The following ATAT1 variants were observed in gnomAD, a reference collection of about 807,000 sequenced individuals.
ATAT1 encodes alpha tubulin acetyltransferase 1, also known as alpha-tubulin N-acetyltransferase 1.
In ATAT1, 42 loss-of-function variants were observed where a neutral mutation model predicts 57.2. The ratio of observed to expected loss-of-function variants is 0.73; its 90% CI spans 0.57 to 0.95. The LOEUF (loss-of-function observed/expected upper bound fraction) is 0.95. Among genes scored for constraint, ATAT1 ranks in the 40% least tolerant of loss-of-function variants. The probability of loss-of-function intolerance (pLI) is 0.00; values close to 1 mark genes in which losing one functional copy is unlikely to be tolerated. For missense variants in ATAT1, 454 were observed against 523.7 expected, an observed-to-expected ratio of 0.87 and a Z score of 1.30; for synonymous variants, 168 against 187.1, an observed-to-expected ratio of 0.90 and a Z score of 0.83.
chr6:30,628,465 A>G lies in ATAT1; in HGVS notation c.501+35A>G, dbSNP rs1762138039. On this transcript the variant is annotated intron_variant, in intron 6 of 12. Transcript: ENST00000330083. ...TTCAGAGAATAGATCCCCACTGAGC[A>G]TTCCCATTGAATTTATTTGTTATTT... 3.3e-5 allele frequency: 50 copies of G among 1,507,616 alleles called. No homozygotes were observed. In the East Asian group the frequency reaches 1.1e-3, roughly 34 times the overall value. The allele number at this position is 1,507,616 out of a possible 1,614,324, so 93.4% of individuals were successfully genotyped here. A position where few individuals can be genotyped will look rare whatever the true frequency, so the allele number is the denominator to read the frequency against.
rs57839584 is a variant in ATAT1 at position 30,645,757 on chromosome 6, A to G, written c.933-138A>G. ...CCTTTTCTGGGGCACAGCTTTGATT[A>G]AAACCTGTTAGGAATGATAATTACC... On this transcript the variant is annotated intron_variant, in intron 10 of 12. Transcript: ENST00000330083. 7.9e-3 allele frequency: 4,955 copies of G among 626,254 alleles called. 67 individuals are homozygous for G. Among genetic ancestry groups the G allele is most frequent in the African/African-American group, 0.042 (2,212 of 53,232 alleles). 38.8% of individuals were successfully genotyped at this position (626,254 alleles called of 1,614,324 possible). A position where few individuals can be genotyped will look rare whatever the true frequency, so the allele number is the denominator to read the frequency against.
chr6:30,643,613 C>A, intron 10 of ATAT1: 1 of 1,550,526 alleles, frequency 6.4e-7, no homozygotes, highest in Non-Finnish European at 8.7e-7. Context: ...GGGAACCCCT[C>A]CCTGAGAACC....
chr6:30,645,566 A>G (rs1349601715), intron 10 of ATAT1, among the ~76,000 whole-genome samples: 2 of 152,184 alleles, frequency 1.3e-5, no homozygotes, highest in South Asian at 2.1e-4. Context: ...ACCAAACACC[A>G]GAGTACCCGA....
chr6:30,642,658 AAAAAAG>A, intron 9 of ATAT1, 104 bp from the exon 10 acceptor site: 3 of 799,774 alleles, frequency 3.8e-6, no homozygotes, highest in African/African-American at 3.5e-5. Context: ...AGAAAAAAAA[AAAAAAG>A]AAAGACTCAG....
At chr6:30,631,265 C>T (rs1273277233) in intron 6 of ATAT1, among the ~76,000 whole-genome samples, 6 of 151,978 alleles carry the variant, frequency 3.9e-5, no homozygotes, top group African/African-American at 9.7e-5. Context: ...GCGCGGATCA[C>T]GAGGTCAGGA....
intron 6 of ATAT1, among the ~76,000 whole-genome samples, chr6:30,630,469 C>G (rs1028798375): frequency 7.9e-5 from 12 of 152,060 alleles, no homozygotes; most frequent in African/African-American, 2.9e-4. Flanking sequence ...AACCCCGTCT[C>G]TATTAAAAAT....
chr6:30,646,151 C>A, intron 12 of ATAT1, 42 bp downstream of exon 12: 1 of 1,592,860 alleles, frequency 6.3e-7, no homozygotes, highest in Non-Finnish European at 8.5e-7. Context: ...CCACCACCAT[C>A]TGACTCCCTT....
chr6:30,632,195 G>A (rs1763036088), intron 6 of ATAT1, among the ~76,000 whole-genome samples: 1 of 151,508 alleles, frequency 6.6e-6, no homozygotes, highest in African/African-American at 2.4e-5. Context: ...AGAACCGGGA[G>A]GCGGAGGTTG....
intron 1 of ATAT1, 168 bp from the exon 2 acceptor site, chr6:30,627,292 G>T: frequency 6.2e-7 from 1 of 1,613,770 alleles, no homozygotes; most frequent in Non-Finnish European, 8.5e-7. Context: ...AGAAGTTTGG[G>T]TTTCAGAAGG....
At chr6:30,638,387 G>GGGTCAATGGATTCTCCTGC (rs1427763247) in intron 6 of ATAT1, among the ~76,000 whole-genome samples, 1 of 151,806 alleles carries the variant, frequency 6.6e-6, no homozygotes, top group Non-Finnish European at 1.5e-5. Context: ...CTCCCTCCTG[G>GGGTCAATGGATTCTCCTGC]GGTCAATGGA....
Position 30,646,701 on chromosome 6 carries a change from C to T in ATAT1, c.*58C>T. 6.8e-7 allele frequency: 1 copy of T among 1,470,260 alleles called. No homozygotes were observed. The highest frequency in any genetic ancestry group is 2.4e-5 in the Admixed American group (1 of 42,082). 91.1% of individuals were successfully genotyped at this position (1,470,260 alleles called of 1,614,324 possible). ...TTTCTCCCTCACTACAGGAAAGAGC[C>T]AAAGCCCAACCCTCATAATAGATGG... On this transcript the variant is annotated 3_prime_UTR_variant, in exon 13 of 13. Transcript: ENST00000330083.
In ATAT1 at chr6:30,628,141, T is replaced by TG. The variant is rs1423170054; in HGVS notation, c.396dup (p.Gln133AlafsTer13). On this transcript the variant is annotated frameshift_variant, in exon 5 of 13. Transcript: ENST00000330083. LOFTEE classifies it high-confidence loss of function. ...GGGCGAGAACTCTTCCAGTATATGT[T>TG]GCAGGTATCACTGACCTCTTCACTG... is the stretch of plus-strand genomic sequence containing the variant. 6.2e-7 allele frequency: 1 copy of TG among 1,612,310 alleles called. No homozygotes were observed. The highest frequency in any genetic ancestry group is 8.5e-7 in the Non-Finnish European group (1 of 1,179,430).
chr6:30,639,667 T>C (rs528205688), intron 6 of ATAT1, among the ~76,000 whole-genome samples: 35 of 151,514 alleles, frequency 2.3e-4, no homozygotes, highest in Non-Finnish European at 2.7e-4. Flanking sequence ...TTAGTAGAGA[T>C]GGGGTTTCAC....
chr6:30,644,116 C>T (rs1252282782), intron 10 of ATAT1: 2 of 986,266 alleles, frequency 2.0e-6, no homozygotes, highest in Non-Finnish European at 2.4e-6. Context: ...TACCAGCTTC[C>T]CAAAGGGATC....
At chr6:30,637,761 A>T (rs888272009) in intron 6 of ATAT1, among the ~76,000 whole-genome samples, 4 of 151,344 alleles carry the variant, frequency 2.6e-5, no homozygotes, top group Non-Finnish European at 4.4e-5. Context: ...GCGGATCACG[A>T]GGTCAAGAGA....
chr6:30,642,833 G>GGGGGGGGGGGGCGC lies in ATAT1; in HGVS notation c.754_755insGGGGGGGGGGGCGC (p.Ala252GlyfsTer72). The stretch of plus-strand genomic sequence containing the variant: ...GGCCCCTCGCCGCGCCACACCTCCA[G>GGGGGGGGGGGGCGC]CCCACCCACCCCCCCGCTCCAGCAG... On this transcript the variant is annotated frameshift_variant, in exon 10 of 13. Transcript: ENST00000330083. LOFTEE classifies it high-confidence loss of function. The GGGGGGGGGGGGCGC allele has an allele frequency of 6.5e-7, 1 of 1,537,860 alleles. No individual in the cohort carries two copies. The highest frequency in any genetic ancestry group is 8.7e-7 in the Non-Finnish European group (1 of 1,145,768).
At chr6:30,633,848 A>T (rs1345670224) in intron 6 of ATAT1, 3 of 170,438 alleles carry the variant, frequency 1.8e-5, no homozygotes, top group African/African-American at 4.8e-5. Context: ...GAAGAAAAGA[A>T]CGGAGATGAA....
rs2127480855 is a variant in ATAT1 at position 30,628,228 on chromosome 6, C to T, written c.399+83C>T. ...TTCCAGAAGCCCTGCCTCCCACCCC[C>T]CATGTTCCCATGTCATTCTATTCCC... is the stretch of plus-strand genomic sequence containing the variant. On this transcript the variant is annotated intron_variant, in intron 5 of 12. Coordinates refer to ENST00000330083, the MANE Select transcript of ATAT1 (RefSeq NM_001031722.4). 2.6e-6 allele frequency: 4 copies of T among 1,525,178 alleles called. 1 individual carries two copies. In the South Asian group the frequency reaches 3.4e-5, roughly 13 times the overall value. 94.5% of individuals were successfully genotyped at this position (1,525,178 alleles called of 1,614,324 possible).
intron 6 of ATAT1, among the ~76,000 whole-genome samples, chr6:30,634,495 T>C (rs1026583026): frequency 1.3e-5 from 2 of 150,944 alleles, no homozygotes; most frequent in South Asian, 2.1e-4. Flanking sequence ...GTGATCCACC[T>C]ACCTCGGCCT....
Sources: allele counts gnomAD v4.1 joint callset (sites outside exome capture counted in the v4.1 genomes callset), GRCh38; gene constraint gnomAD v4.1.1; transcripts MANE v1.5; gene names NCBI Gene and HGNC (gene_info 2026-07-23, HGNC 2026-07-21).